The following ZNG1B variants were observed in gnomAD, a reference collection of about 807,000 sequenced individuals.
ZNG1B encodes Zn regulated GTPase metalloprotein activator 1B, also known as zinc-regulated GTPase metalloprotein activator 1B.
the ZNG1B span, among the ~76,000 whole-genome samples, chr2:113,479,717 T>G: frequency 2.4e-4 from 36 of 152,180 alleles, no homozygotes; most frequent in Non-Finnish European, 4.6e-4. Flanking sequence ...TATTTTTAAT[T>G]TGATGCTGTG....
At chr2:113,446,634 T>C in the ZNG1B span, among the ~76,000 whole-genome samples, 8 of 148,734 alleles carry the variant, frequency 5.4e-5, no homozygotes, top group Admixed American at 4.7e-4. Flanking sequence ...TAATCCCAGC[T>C]ACTCAGGAGG....
the ZNG1B span, among the ~76,000 whole-genome samples, chr2:113,476,398 T>G: frequency 6.7e-6 from 1 of 150,264 alleles, no homozygotes; most frequent in Admixed American, 6.6e-5. Flanking sequence ...CTTCTAAATT[T>G]TTTTCAAAGT....
At chr2:113,483,949 G>C in the ZNG1B span, among the ~76,000 whole-genome samples, 1 of 151,840 alleles carries the variant, frequency 6.6e-6, no homozygotes, top group African/African-American at 2.4e-5. Flanking sequence ...ATAAACATAG[G>C]GGAAAATAGT....
At chr2:113,494,619 A>C in the ZNG1B span, 4,905 of 926,234 alleles carry the variant, frequency 5.3e-3, 787 homozygotes, top group African/African-American at 0.083. Context: ...TCTGCAAATC[A>C]ATACACAATG....
chr2:113,452,068 G>A, the ZNG1B span, among the ~76,000 whole-genome samples: 2,005 of 152,276 alleles, frequency 0.013, 22 homozygotes, highest in South Asian at 0.037. Flanking sequence ...ACACTCTCCA[G>A]TTCTAAGTTA....
At chr2:113,476,323 C>T in the ZNG1B span, among the ~76,000 whole-genome samples, 1 of 151,366 alleles carries the variant, frequency 6.6e-6, no homozygotes, top group African/African-American at 2.4e-5. Context: ...GTTCTTGAGC[C>T]TTGGTTTTCA....
chr2:113,476,853 C>T, the ZNG1B span, among the ~76,000 whole-genome samples: 1 of 152,228 alleles, frequency 6.6e-6, no homozygotes, highest in Non-Finnish European at 1.5e-5. Context: ...CAGGGTCCCA[C>T]TTGAGGAGGC....
chr2:113,444,960 C>G, the ZNG1B span: 2 of 1,610,016 alleles, frequency 1.2e-6, no homozygotes, highest in Non-Finnish European at 1.7e-6. Flanking sequence ...TTGGTATTCT[C>G]CAGGGACAAT....
the ZNG1B span, among the ~76,000 whole-genome samples, chr2:113,488,358 TCTGA>T: frequency 6.6e-6 from 1 of 152,130 alleles, no homozygotes; most frequent in Non-Finnish European, 1.5e-5. Context: ...GACGAAAGAA[TCTGA>T]ACAACAACCT....
At chr2:113,437,896 G>A in the ZNG1B span, 22 of 1,611,922 alleles carry the variant, frequency 1.4e-5, no homozygotes, top group East Asian at 2.0e-4. Flanking sequence ...ATCTGCGGAT[G>A]AGGAGGAGGA....
the ZNG1B span, chr2:113,444,957 T>C: frequency 6.2e-7 from 1 of 1,609,972 alleles, no homozygotes; most frequent in Non-Finnish European, 8.5e-7. Flanking sequence ...GTTTTGGTAT[T>C]CTCCAGGGAC....
chr2:113,453,198 G>A, the ZNG1B span: 11 of 1,590,116 alleles, frequency 6.9e-6, no homozygotes, highest in South Asian at 1.2e-5. Context: ...TTACCTTGAT[G>A]GTAAGTTAAA....
the ZNG1B span, among the ~76,000 whole-genome samples, chr2:113,445,813 T>TG: frequency 6.8e-6 from 1 of 146,446 alleles, no homozygotes; most frequent in East Asian, 2.1e-4. Context: ...TTTTTTTTTT[T>TG]GATCTGGGTC....
chr2:113,437,980 C>T, the ZNG1B span: 39 of 1,611,836 alleles, frequency 2.4e-5, no homozygotes, highest in Non-Finnish European at 3.1e-5. Flanking sequence ...AAAGTCTGGC[C>T]TCGGCGCCAA....
chr2:113,463,697 C>A, the ZNG1B span, among the ~76,000 whole-genome samples: 1 of 151,742 alleles, frequency 6.6e-6, no homozygotes, highest in Non-Finnish European at 1.5e-5. Flanking sequence ...CCTTTTAAAG[C>A]CTCCTCTGTA....
chr2:113,457,077 A>G, the ZNG1B span: 1 of 454,694 alleles, frequency 2.2e-6, no homozygotes, highest in South Asian at 1.6e-5. Context: ...AAAGAATTGG[A>G]CAACTTAAAA....
the ZNG1B span, among the ~76,000 whole-genome samples, chr2:113,452,923 A>G: frequency 6.6e-6 from 1 of 151,876 alleles, no homozygotes; most frequent in African/African-American, 2.4e-5. Context: ...AGGAAATAAC[A>G]AGAGAGATGG....
At chr2:113,476,677 G>A in the ZNG1B span, among the ~76,000 whole-genome samples, 1 of 150,782 alleles carries the variant, frequency 6.6e-6, no homozygotes. Context: ...TGATGATGGT[G>A]ATGTACAGAT....
chr2:113,473,909 T>C, the ZNG1B span, among the ~76,000 whole-genome samples: 1 of 140,156 alleles, frequency 7.1e-6, no homozygotes, highest in African/African-American at 2.8e-5. Context: ...CTGAGGATTT[T>C]TGCATCAATG....
Sources: allele counts gnomAD v4.1 joint callset (sites outside exome capture counted in the v4.1 genomes callset), GRCh38; gene constraint gnomAD v4.1.1; transcripts MANE v1.5; gene names NCBI Gene and HGNC (gene_info 2026-07-23, HGNC 2026-07-21).